Variants in ZFHX2 observed in about 807,000 individuals in gnomAD.
ZFHX2 encodes the protein zinc finger homeobox protein 2.
Under a neutral mutation model 164.8 loss-of-function variants are expected in ZFHX2, and 75 were observed. That is an observed-to-expected ratio of 0.46 (90% confidence interval 0.38 to 0.55). The LOEUF (loss-of-function observed/expected upper bound fraction) is 0.55. Ranked by LOEUF, ZFHX2 falls within the 20% of genes least tolerant of loss-of-function variation. The pLI, the probability that ZFHX2 is intolerant of heterozygous loss-of-function variation, is 0.00. For synonymous variants in ZFHX2, 1,217 were observed against 1,351.4 expected, an observed-to-expected ratio of 0.90 and a Z score of 2.18; for missense variants, 2,933 against 3,308.0, an observed-to-expected ratio of 0.89 and a Z score of 2.78.
chr14:23,533,431 A>T lies in ZFHX2; in HGVS notation c.1895T>A (p.Phe632Tyr), dbSNP rs1237465904. ...TAGGGCCTGGGGCCCAAAGTACTGG[A>T]AGAGTTCAGGGGGGCTAGTGGGGGT... ...GATPTSPPEL[F>Y]QYFGPQALGQ... Residue 632 changes from phenylalanine to tyrosine, a missense_variant, in exon 2 of 10, where the codon TTC (phenylalanine) becomes TAC (tyrosine). Physicochemically the swap from Phe to Tyr is conservative, Grantham distance 22. Coordinates refer to ENST00000419474, the MANE Select transcript of ZFHX2 (RefSeq NM_033400.3). The surrounding 1 kb of genome is among the most constrained non-coding windows in gnomAD (Gnocchi z 4.8). 6.6e-7 allele frequency: 1 copy of T among 1,525,188 alleles called. No homozygotes were observed. Among genetic ancestry groups the T allele is most frequent in the South Asian group, 1.2e-5 (1 of 83,092 alleles). The allele number at this position is 1,525,188 out of a possible 1,614,324, so 94.5% of individuals were successfully genotyped here. A position where few individuals can be genotyped will look rare whatever the true frequency, so the allele number is the denominator to read the frequency against.
At chr14:23,530,550 G>A in intron 4 of ZFHX2, 1 of 471,990 alleles carries the variant, frequency 2.1e-6, no homozygotes, top group South Asian at 1.8e-5. Context: ...GGGCACTGAA[G>A]AAGGAAGCCT....
rs1019336985 is a variant in ZFHX2 at position 23,535,303 on chromosome 14, G to A, written c.23C>T (p.Ser8Phe). ...AGGGGAGGGGGTGGTACCAGTGGTAGAGGCTGAGTTAAGGGTGGCCATGGT... is the reference window on the plus strand; with the variant it reads ...AGGGGAGGGGGTGGTACCAGTGGTAAAGGCTGAGTTAAGGGTGGCCATGGT... MATLNSA[S>F]TTGTTPSPGH... is the part of the protein sequence containing the mutation. Residue 8 changes from serine to phenylalanine, a missense_variant, in exon 2 of 10, where the codon TCT becomes TTT. By Grantham distance (155) the Ser-to-Phe change is radical (BLOSUM62 -2). Coordinates refer to ENST00000419474, the MANE Select transcript of ZFHX2 (RefSeq NM_033400.3). This position sits in a 1 kb window ranked among gnomAD's most constrained non-coding sequence, Gnocchi z 4.5. 7.5e-6 allele frequency: 11 copies of A among 1,469,004 alleles called. No individual in the cohort carries two copies. Among genetic ancestry groups the A allele is most frequent in the East Asian group, 2.5e-5 (1 of 40,210 alleles). The allele number at this position is 1,469,004 out of a possible 1,614,324, so 91.0% of individuals were successfully genotyped here. A position where few individuals can be genotyped will look rare whatever the true frequency, so the allele number is the denominator to read the frequency against.
chr14:23,523,329 G>T lies in ZFHX2; in HGVS notation c.6613C>A (p.Pro2205Thr). Residue 2205 changes from proline (P) to threonine (T), a missense_variant, in exon 9 of 10, where the codon CCT (proline) becomes ACT (threonine). Physicochemically the swap from Pro to Thr is conservative, Grantham distance 38. Transcript: ENST00000419474. The surrounding 1 kb of genome is among the most constrained non-coding windows in gnomAD (Gnocchi z 4.1). ...PEAPPALKAPPATTPASMPLG... is the reference protein window; with the variant it reads ...PEAPPALKAPTATTPASMPLG... ...GGCATGGAGGCAGGTGTGGTGGCAG[G>T]TGGGGCCTTGAGAGCTGGGGGAGCC... 1.2e-5 allele frequency: 17 copies of T among 1,457,588 alleles called. No homozygotes were observed. Among genetic ancestry groups the T allele is most frequent in the Non-Finnish European group, 1.5e-5 (17 of 1,108,484 alleles). The allele number at this position is 1,457,588 out of a possible 1,614,324, so 90.3% of individuals were successfully genotyped here. A position where few individuals can be genotyped will look rare whatever the true frequency, so the allele number is the denominator to read the frequency against.
Position 23,526,374 on chromosome 14 carries a change from G to T in ZFHX2, c.3568C>A (p.Pro1190Thr). The T allele has an allele frequency of 1.3e-6, 2 of 1,536,358 alleles. No homozygotes were observed. Among genetic ancestry groups the T allele is most frequent in the South Asian group, 2.4e-5 (2 of 84,054 alleles). The change falls in exon 9 of 10, where the codon CCC (proline) becomes ACC (threonine). Residue 1190 changes from proline (P) to threonine (T), a missense_variant. Transcript: ENST00000419474. ...TCCTTACACACAGTGCACTTATAGG[G>T]CCGGGCAGGGTCGAGAAACTTGTCC... ...ALDKFLDPAR[P>T]YKCTVCKESF...
intron 1 of ZFHX2, among the ~76,000 whole-genome samples, chr14:23,540,760 C>T (rs1566591247): frequency 6.6e-6 from 1 of 152,118 alleles, no homozygotes; most frequent in East Asian, 1.9e-4. Flanking sequence ...TTGTGAAGAC[C>T]AGATAGGTAA....
intron 7 of ZFHX2, among the ~76,000 whole-genome samples, chr14:23,527,309 C>A (rs1024010569): frequency 3.9e-5 from 6 of 152,224 alleles, no homozygotes; most frequent in Non-Finnish European, 8.8e-5. Flanking sequence ...TAAGTAGAGG[C>A]AGCTAGACAA....
At chr14:23,538,305 G>A (rs1717792748) in intron 1 of ZFHX2, among the ~76,000 whole-genome samples, 1 of 151,868 alleles carries the variant, frequency 6.6e-6, no homozygotes, top group Non-Finnish European at 1.5e-5. Context: ...CTCTGCCTCA[G>A]TACATCCTCC....
In ZFHX2 at chr14:23,520,975, C is replaced by CTT. The variant is rs1469241395; in HGVS notation, c.*986_*987insAA. On this transcript the variant is annotated 3_prime_UTR_variant, in exon 10 of 10. Coordinates refer to ENST00000419474, the MANE Select transcript of ZFHX2 (RefSeq NM_033400.3). This position sits in a 1 kb window ranked among gnomAD's most constrained non-coding sequence, Gnocchi z 8.7. ...GTGCGCGTGTGCACGTACTCTCTCT[C>CTT]GCTCTTGCTTTTTTGGTTGTGTTTC... The CTT allele has an allele frequency of 6.6e-6, 1 of 151,424 alleles. No homozygotes were observed. The highest frequency in any genetic ancestry group is 6.6e-5 in the Admixed American group (1 of 15,210). The allele number at this position is 151,424 out of a possible 1,614,324, so 9.4% of individuals were successfully genotyped here.
chr14:23,552,284 C>T (rs1882027882), upstream of ZFHX2, among the ~76,000 whole-genome samples: 1 of 150,710 alleles, frequency 6.6e-6, no homozygotes, highest in Non-Finnish European at 1.5e-5. Context: ...TTAAGTGCTC[C>T]TGAATTTTTT....
chr14:23,527,827 G>A (rs746270143), intron 6 of ZFHX2, 23 bp from the exon 7 acceptor site: 33 of 1,533,266 alleles, frequency 2.2e-5, no homozygotes, highest in Middle Eastern at 3.8e-4. Context: ...TATGGGCAGT[G>A]GACGAAGTGT....
Position 23,526,876 on chromosome 14 carries a change from T to C in ZFHX2, c.3233A>G (p.Glu1078Gly), listed in dbSNP as rs1247903018. ...TGCCTGGTCTCTGCTCGGTGTAGGC[T>C]CTGGCCCATGAGTGGGGGGTTCTTG... is the stretch of plus-strand genomic sequence containing the variant. ...NGQEPPTHGPEPTPSRDQAAE... is the reference protein window; with the variant it reads ...NGQEPPTHGPGPTPSRDQAAE... Residue 1078 changes from glutamate (E) to glycine (G), a missense_variant, in exon 8 of 10, where the codon GAG (glutamate) becomes GGG (glycine). Glu to Gly is a moderately conservative substitution (Grantham distance 98). Coordinates refer to ENST00000419474, the MANE Select transcript of ZFHX2 (RefSeq NM_033400.3). The C allele has an allele frequency of 6.5e-7, 1 of 1,534,104 alleles. No individual in the cohort carries two copies. Among genetic ancestry groups the C allele is most frequent in the Non-Finnish European group, 8.7e-7 (1 of 1,146,014 alleles).
chr14:23,522,990 C>A (rs1318940817), intron 9 of ZFHX2, 49 bp from the exon 10 acceptor site: 3 of 1,424,624 alleles, frequency 2.1e-6, no homozygotes, highest in South Asian at 1.5e-5. Context: ...CCTGTCCCAT[C>A]ATTCTTCCTG....
rs565026201 is a variant in ZFHX2 at position 23,551,147 on chromosome 14, A to G, written c.-50+196T>C. ...CCCACACCCCTGTCTGCTATCTCCC[A>G]GGGCTCTCGGTCTGTCTGTCCGTCC... On this transcript the variant is annotated intron_variant, in intron 1 of 9. Coordinates refer to ENST00000419474, the MANE Select transcript of ZFHX2 (RefSeq NM_033400.3). This position sits in a 1 kb window ranked among gnomAD's most constrained non-coding sequence, Gnocchi z 5.3. Among the ~76,000 whole-genome samples the G allele has an allele frequency of 7.1e-6, 1 of 141,004 alleles. No homozygotes were observed. The highest frequency in any genetic ancestry group is 7.1e-5 in the Admixed American group (1 of 14,180). 92.5% of individuals were successfully genotyped at this position (141,004 alleles called of 152,430 possible).
In ZFHX2 at chr14:23,524,854, C is replaced by G; in HGVS notation, c.5088G>C (p.Gln1696His). The G allele has an allele frequency of 2.0e-6, 3 of 1,536,808 alleles. No individual in the cohort carries two copies. The highest frequency in any genetic ancestry group is 2.6e-6 in the Non-Finnish European group (3 of 1,147,066). The change falls in exon 9 of 10, where the codon CAG (glutamine) becomes CAC (histidine). Residue 1696 changes from glutamine to histidine, a missense_variant. Transcript: ENST00000419474. This position sits in a 1 kb window ranked among gnomAD's most constrained non-coding sequence, Gnocchi z 5.6. Reference sequence around the variant, plus strand: ...CCTCTTCCTCCTCCTCTTCAAGGGTCTGGTCATCATAGCACTTCTTGAGGT... The same window carrying G: ...CCTCTTCCTCCTCCTCTTCAAGGGTGTGGTCATCATAGCACTTCTTGAGGT... ...VRHLKKCYDD[Q>H]TLEEEEEEAE... is the part of the protein sequence containing the mutation.
chr14:23,536,680 A>T (rs915020615), intron 1 of ZFHX2, among the ~76,000 whole-genome samples: 14 of 152,224 alleles, frequency 9.2e-5, no homozygotes, highest in Admixed American at 7.2e-4. Flanking sequence ...AGAAACAGAG[A>T]TGTTAAGTGA....
At chr14:23,530,893 C>T in intron 4 of ZFHX2, 1 of 218,788 alleles carries the variant, frequency 4.6e-6, no homozygotes, top group Admixed American at 5.4e-5. Context: ...CCTCTGGCAG[C>T]CCCTTGCAGG....
At position 23,521,772 on chromosome 14, in the gene ZFHX2, G is replaced by T; in HGVS notation, c.*190C>A. The T allele has an allele frequency of 1.0e-6, 1 of 991,438 alleles. No individual in the cohort carries two copies. The highest frequency in any genetic ancestry group is 1.4e-6 in the Non-Finnish European group (1 of 699,214). The allele number at this position is 991,438 out of a possible 1,614,324, so 61.4% of individuals were successfully genotyped here. A position where few individuals can be genotyped will look rare whatever the true frequency, so the allele number is the denominator to read the frequency against. Reference sequence around the variant, plus strand: ...GGAGGATCAATGTGTGTGTCTGTGGGGATTGGGAGGAGGCAGGACTCTGCT... The same window carrying T: ...GGAGGATCAATGTGTGTGTCTGTGGTGATTGGGAGGAGGCAGGACTCTGCT... On this transcript the variant is annotated 3_prime_UTR_variant, in exon 10 of 10. Coordinates refer to ENST00000419474, the MANE Select transcript of ZFHX2 (RefSeq NM_033400.3).
intron 1 of ZFHX2, among the ~76,000 whole-genome samples, chr14:23,537,515 T>G (rs1045079416): frequency 6.6e-6 from 1 of 152,120 alleles, no homozygotes; most frequent in South Asian, 2.1e-4. Context: ...GAAGGCCCCA[T>G]TGTAGCTTCC....
At position 23,524,653 on chromosome 14, in the gene ZFHX2, T is replaced by C. The variant is rs1878474693; in HGVS notation, c.5289A>G (p.Pro1763=). 2 of 1,536,358 alleles carry C rather than the reference T, an allele frequency of 1.3e-6. No homozygotes were observed. Among genetic ancestry groups the C allele is most frequent in the East Asian group, 2.4e-5 (1 of 40,894 alleles). Reference sequence around the variant, plus strand: ...CACAGGTATGGGCTGGGGAAGGTGATGGAGTAGCCTTCTCTTCAGGCTCTT... The same window carrying C: ...CACAGGTATGGGCTGGGGAAGGTGACGGAGTAGCCTTCTCTTCAGGCTCTT... The part of the protein sequence containing the change: ...GGKEPEEKAT[P]SPSPAHTCDQ... The change falls in exon 9 of 10, where the codon CCA becomes CCG. Residue 1763 remains proline (P), a synonymous_variant. Coordinates refer to ENST00000419474, the MANE Select transcript of ZFHX2 (RefSeq NM_033400.3). The surrounding 1 kb of genome is among the most constrained non-coding windows in gnomAD (Gnocchi z 5.6).
Sources: gnomAD v4.1 joint callset for allele counts (sites outside exome capture counted in the v4.1 genomes callset) on GRCh38, gnomAD v4.1.1 for gene constraint, Gnocchi (gnomAD v3.1) non-coding constraint, MANE v1.5 for transcripts, NCBI Gene and HGNC (gene_info 2026-07-23, HGNC 2026-07-21) for gene names.